PHACTR2: variants seen among roughly 807,000 people sequenced by gnomAD.
PHACTR2 encodes the protein chromosome 6 open reading frame 56.
A neutral mutation model predicts 76.0 loss-of-function variants in PHACTR2; 30 were observed. That is an observed-to-expected ratio of 0.39 (90% CI 0.30 to 0.54). PHACTR2 has a LOEUF of 0.54. Ranked by LOEUF, PHACTR2 falls within the 20% of genes least tolerant of loss-of-function variation. PHACTR2 has a pLI of 0.61. For missense variants in PHACTR2, 696 were observed against 781.1 expected (o/e 0.89, Z 1.30); for synonymous variants, 292 against 292.5 (o/e 1.00, Z 0.02).
chr6:143,774,480 C>T lies in PHACTR2; in HGVS notation c.1589+265C>T, dbSNP rs1582867814. The stretch of plus-strand genomic sequence containing the variant: ...CAGTTGGCAAACATTTCAGGCTTTG[C>T]TGGCCAGACAGTCTCTGTTGCAGCT... On this transcript the variant is annotated intron_variant, in intron 8 of 12. Transcript: ENST00000440869. The surrounding 1 kb of genome is among the most constrained non-coding windows in gnomAD (Gnocchi z 5.4). Among the ~76,000 whole-genome samples the T allele has an allele frequency of 6.6e-6, 1 of 152,190 alleles. No homozygotes were observed. The highest frequency in any genetic ancestry group is 1.9e-4 in the East Asian group (1 of 5,198).
rs1779270305 is a variant in PHACTR2 at position 143,755,091 on chromosome 6, C to T, written c.454+1179C>T. ...AATCTGTTGGAAATGTATTATTTTG[C>T]TTTATTTCAAGGGCTTTATCTAGCC... On this transcript the variant is annotated intron_variant, in intron 4 of 12. Transcript: ENST00000440869. The surrounding 1 kb of genome is among the most constrained non-coding windows in gnomAD (Gnocchi z 5.2). Among the ~76,000 whole-genome samples, 1 of 152,122 alleles carries T rather than the reference C, an allele frequency of 6.6e-6. No individual in the cohort carries two copies. Among genetic ancestry groups the T allele is most frequent in the Non-Finnish European group, 1.5e-5 (1 of 68,030 alleles).
rs1177847845 is a variant in PHACTR2 at position 143,546,219 on chromosome 6, A to T, written c.217+9012A>T. ...GCAGCGTGCCTTAGAAAGATTTCTG[A>T]GCTCTAACTTATTTTGTGACCTGTT... On this transcript the variant is annotated intron_variant, in intron 1 of 11. Transcript: ENST00000367584. This position sits in a 1 kb window ranked among gnomAD's most constrained non-coding sequence, Gnocchi z 4.9. Among the ~76,000 whole-genome samples the T allele has an allele frequency of 6.6e-6, 1 of 152,194 alleles. No homozygotes were observed. Among genetic ancestry groups the T allele is most frequent in the Non-Finnish European group, 1.5e-5 (1 of 68,038 alleles).
In PHACTR2 at chr6:143,678,253, A is replaced by G. The variant is rs2128452349; in HGVS notation, c.46+44A>G. ...CGATGCGCTCCCGCCGCGCGGGCGCAGGGCTGGCGGCGGGGCCCCGGGGCA... is the reference window on the plus strand; with the variant it reads ...CGATGCGCTCCCGCCGCGCGGGCGCGGGGCTGGCGGCGGGGCCCCGGGGCA... On this transcript the variant is annotated intron_variant, in intron 1 of 12. Coordinates refer to ENST00000440869, the MANE Select transcript of PHACTR2 (RefSeq NM_001100164.2). This position sits in a 1 kb window ranked among gnomAD's most constrained non-coding sequence, Gnocchi z 6.2. 2.1e-6 allele frequency: 3 copies of G among 1,412,728 alleles called. No individual in the cohort carries two copies. The highest frequency in any genetic ancestry group is 2.6e-4 in the Middle Eastern group (1 of 3,830). 87.5% of individuals were successfully genotyped at this position (1,412,728 alleles called of 1,614,324 possible).
Position 143,757,959 on chromosome 6 carries a change from G to GCACA in PHACTR2, c.455-2441_455-2440insACAC, listed in dbSNP as rs10632120. Among the ~76,000 whole-genome samples the GCACA allele has an allele frequency of 0.015, 2,204 of 145,642 alleles. 24 individuals carry two copies. The highest frequency in any genetic ancestry group is 0.059 in the Middle Eastern group (17 of 288). ...CCTGCGTGTGTGTGCATGCACACGT[G>GCACA]CGCGCACACACACACACACACACAC... is the stretch of plus-strand genomic sequence containing the variant. On this transcript the variant is annotated intron_variant, in intron 4 of 12. Coordinates refer to ENST00000440869, the MANE Select transcript of PHACTR2 (RefSeq NM_001100164.2). The surrounding 1 kb of genome is among the most constrained non-coding windows in gnomAD (Gnocchi z 4.2).
rs1181397507 is a variant in PHACTR2 at position 143,618,327 on chromosome 6, G to A, written c.13+10005G>A. 6.6e-6 allele frequency among the ~76,000 whole-genome samples: 1 copy of A among 151,914 alleles called. No homozygotes were observed. Among genetic ancestry groups the A allele is most frequent in the Non-Finnish European group, 1.5e-5 (1 of 67,978 alleles). On this transcript the variant is annotated intron_variant, in intron 1 of 11. Coordinates refer to the PHACTR2 transcript ENST00000305766. This position sits in a 1 kb window ranked among gnomAD's most constrained non-coding sequence, Gnocchi z 5.2. ...AGTTTCAGATCATTTTAAATTGATA[G>A]TGACCTTAAATATTAAAGCCTAGGG...
chr6:143,705,026 C>T (rs1778015902), intron 1 of PHACTR2, among the ~76,000 whole-genome samples: 1 of 151,962 alleles, frequency 6.6e-6, no homozygotes, highest in African/African-American at 2.4e-5. Flanking sequence ...CAGGGTTTCA[C>T]TGTGTTAGCC....
chr6:143,818,657 C>T lies in PHACTR2; in HGVS notation c.1923-5017C>T, dbSNP rs977921696. 1.3e-5 allele frequency among the ~76,000 whole-genome samples: 2 copies of T among 152,248 alleles called. No individual in the cohort carries two copies. Among genetic ancestry groups the T allele is most frequent in the African/African-American group, 2.4e-5 (1 of 41,558 alleles). ...GGAAACCTGCAATCCTGGCAGAAGG[C>T]ACCTCTTCACAGGGCAGCAGGAGAG... On this transcript the variant is annotated intron_variant, in intron 12 of 12. Transcript: ENST00000440869. The surrounding 1 kb of genome is among the most constrained non-coding windows in gnomAD (Gnocchi z 4.9).
chr6:143,642,169 G>A (rs1048436448), intron 1 of PHACTR2, among the ~76,000 whole-genome samples: 1 of 152,134 alleles, frequency 6.6e-6, no homozygotes, highest in African/African-American at 2.4e-5. Flanking sequence ...AAAATGCATA[G>A]GAATTTAATC....
At chr6:143,729,049 G>A (rs934900732) in intron 2 of PHACTR2, among the ~76,000 whole-genome samples, 6 of 152,144 alleles carry the variant, frequency 3.9e-5, no homozygotes, top group African/African-American at 1.4e-4. Context: ...ACAGAGTGAA[G>A]AGACAATCTG....
rs916283598 is a variant in PHACTR2 at position 143,739,340 on chromosome 6, G to A, written c.215-9645G>A. 2.6e-5 allele frequency among the ~76,000 whole-genome samples: 4 copies of A among 152,208 alleles called. No homozygotes were observed. Among genetic ancestry groups the A allele is most frequent in the Non-Finnish European group, 4.4e-5 (3 of 68,038 alleles). On this transcript the variant is annotated intron_variant, in intron 2 of 12. Coordinates refer to ENST00000440869, the MANE Select transcript of PHACTR2 (RefSeq NM_001100164.2). This position sits in a 1 kb window ranked among gnomAD's most constrained non-coding sequence, Gnocchi z 4.3. ...GGCATCCCAAAGTGCTGGGATTACA[G>A]GTGTGAGCCACCGCACCCGGCTGCG...
At chr6:143,701,518 GGGAGTTGAATTGAGT>G (rs1777912214) in intron 1 of PHACTR2, among the ~76,000 whole-genome samples, 1 of 152,150 alleles carries the variant, frequency 6.6e-6, no homozygotes, top group Non-Finnish European at 1.5e-5. Context: ...ATAAGTGGCT[GGGAGTTGAATTGAGT>G]TACTACTCAT....
Position 143,801,877 on chromosome 6 carries a change from G to C in PHACTR2, c.1846-5180G>C, listed in dbSNP as rs1448308299. ...TTTGATGTTGGTGACCTACAGATGG[G>C]GTTTGGGTGTGGATGTCCTTTTTGT... On this transcript the variant is annotated intron_variant, in intron 11 of 12. Transcript: ENST00000440869. This position sits in a 1 kb window ranked among gnomAD's most constrained non-coding sequence, Gnocchi z 4.6. Among the ~76,000 whole-genome samples, 1 of 152,100 alleles carries C rather than the reference G, an allele frequency of 6.6e-6. No homozygotes were observed. The highest frequency in any genetic ancestry group is 2.4e-5 in the African/African-American group (1 of 41,412).
At chr6:143,699,587 G>T (rs1231347786) in intron 1 of PHACTR2, among the ~76,000 whole-genome samples, 5 of 152,098 alleles carry the variant, frequency 3.3e-5, no homozygotes, top group Non-Finnish European at 5.9e-5. Flanking sequence ...CTGACTGTCC[G>T]TTGGACATCT....
chr6:143,608,907 T>C lies in PHACTR2; in HGVS notation c.13+585T>C. Among the ~76,000 whole-genome samples, 1 of 152,326 alleles carries C rather than the reference T, an allele frequency of 6.6e-6. No homozygotes were observed. The highest frequency in any genetic ancestry group is 2.1e-4 in the South Asian group (1 of 4,826). ...TTTACTTGATAACTAGACAAACAGA[T>C]GATTGAAGTATGTTAATGTCAATTA... On this transcript the variant is annotated intron_variant, in intron 1 of 11. Coordinates refer to the PHACTR2 transcript ENST00000305766. This position sits in a 1 kb window ranked among gnomAD's most constrained non-coding sequence, Gnocchi z 4.6.
chr6:143,742,054 G>A lies in PHACTR2; in HGVS notation c.215-6931G>A, dbSNP rs1415357469. Among the ~76,000 whole-genome samples, 2 of 152,050 alleles carry A rather than the reference G, an allele frequency of 1.3e-5. No homozygotes were observed. Among genetic ancestry groups the A allele is most frequent in the Admixed American group, 1.3e-4 (2 of 15,270 alleles). ...CGGGAGGTGGAGGTTGCAGTGAGCT[G>A]GGATCGCGCCACTGCACTGCAGCCT... On this transcript the variant is annotated intron_variant, in intron 2 of 12. Coordinates refer to ENST00000440869, the MANE Select transcript of PHACTR2 (RefSeq NM_001100164.2). This position sits in a 1 kb window ranked among gnomAD's most constrained non-coding sequence, Gnocchi z 4.5.
rs1217396548 is a variant in PHACTR2 at position 143,712,138 on chromosome 6, T to C, written c.169T>C (p.Trp57Arg). 4 of 1,567,026 alleles carry C rather than the reference T, an allele frequency of 2.6e-6. No homozygotes were observed. Among genetic ancestry groups the C allele is most frequent in the Non-Finnish European group, 3.4e-6 (4 of 1,161,264 alleles). Residue 57 changes from tryptophan to arginine, a missense_variant, in exon 2 of 13, where the codon TGG becomes CGG. By Grantham distance (101) the Trp-to-Arg change is moderately radical. Transcript: ENST00000440869. ...TIGKIFKPWK[W>R]RKKKTSDKFR... ...TGGTAAAATCTTTAAGCCTTGGAAATGGAGGAAAAAGAAGACCAGCGACAA... is the reference window on the plus strand; with the variant it reads ...TGGTAAAATCTTTAAGCCTTGGAAACGGAGGAAAAAGAAGACCAGCGACAA...
At position 143,608,244 on chromosome 6, in the gene PHACTR2, G is replaced by C; in HGVS notation, c.-66G>C. 1.9e-6 allele frequency: 3 copies of C among 1,579,642 alleles called. No individual in the cohort carries two copies. Among genetic ancestry groups the C allele is most frequent in the Non-Finnish European group, 2.6e-6 (3 of 1,149,472 alleles). ...AATCAGCAGAAGGACAGGGTGCTTCGTTAGTCAGAAGAGCCAGGGCTTCCC... is the reference window on the plus strand; with the variant it reads ...AATCAGCAGAAGGACAGGGTGCTTCCTTAGTCAGAAGAGCCAGGGCTTCCC... On this transcript the variant is annotated 5_prime_UTR_variant, in exon 1 of 12. Coordinates refer to the PHACTR2 transcript ENST00000305766. This position sits in a 1 kb window ranked among gnomAD's most constrained non-coding sequence, Gnocchi z 4.6.
In PHACTR2 at chr6:143,547,229, A is replaced by G. The variant is rs1446751082; in HGVS notation, c.217+10022A>G. Among the ~76,000 whole-genome samples, 1 of 152,220 alleles carries G rather than the reference A, an allele frequency of 6.6e-6. No individual in the cohort carries two copies. Among genetic ancestry groups the G allele is most frequent in the Non-Finnish European group, 1.5e-5 (1 of 68,036 alleles). ...ACCCATATTTTTATCCTCTTGCCCT[A>G]ACTATACCTCAATTGTAGCTCTTTC... On this transcript the variant is annotated intron_variant, in intron 1 of 11. Transcript: ENST00000367584. This position sits in a 1 kb window ranked among gnomAD's most constrained non-coding sequence, Gnocchi z 4.2.
At chr6:143,643,188 G>A (rs1327404852) in intron 1 of PHACTR2, among the ~76,000 whole-genome samples, 1 of 151,962 alleles carries the variant, frequency 6.6e-6, no homozygotes, top group Non-Finnish European at 1.5e-5. Flanking sequence ...GTTTAAATGG[G>A]TCTTTTTTTT....
Sources: allele counts gnomAD v4.1 joint callset (sites outside exome capture counted in the v4.1 genomes callset), GRCh38; gene constraint gnomAD v4.1.1; non-coding constraint Gnocchi (gnomAD v3.1); transcripts MANE v1.5; gene names NCBI Gene and HGNC (gene_info 2026-07-23, HGNC 2026-07-21).